ANXA13: variants seen among roughly 807,000 people sequenced by gnomAD.
ANXA13 encodes annexin XIII.
A neutral mutation model predicts 46.6 loss-of-function variants in ANXA13; 36 were observed. The ratio of observed to expected loss-of-function variants is 0.77; its 90% CI spans 0.59 to 1.02. The LOEUF (loss-of-function observed/expected upper bound fraction) is 1.02, where lower values mean the gene tolerates loss of function less well. ANXA13 is among the 50% of genes least tolerant of loss of function. The probability of loss-of-function intolerance (pLI) is 0.00; values close to 1 mark genes in which losing one functional copy is unlikely to be tolerated. For missense variants in ANXA13, 417 were observed against 396.5 expected, an observed-to-expected ratio of 1.05 and a Z score of -0.44; for synonymous variants, 163 against 152.9, an observed-to-expected ratio of 1.07 and a Z score of -0.49.
chr8:123,730,006 C>T (rs577436254), intron 1 of ANXA13, among the ~76,000 whole-genome samples: 9 of 152,256 alleles, frequency 5.9e-5, no homozygotes, highest in Admixed American at 2.0e-4. Flanking sequence ...GTCACTCTGT[C>T]GTCTTCCTTT....
chr8:123,698,652 A>C, intron 3 of ANXA13, 93 bp from the exon 4 acceptor site: 1 of 1,363,560 alleles, frequency 7.3e-7, no homozygotes, highest in Non-Finnish European at 1.0e-6. Context: ...ATAGTTGACA[A>C]GAAAGGTGCT....
At chr8:123,688,616 A>G (rs760641159) in intron 9 of ANXA13, among the ~76,000 whole-genome samples, 6 of 152,138 alleles carry the variant, frequency 3.9e-5, no homozygotes, top group Admixed American at 1.3e-4. Flanking sequence ...CCAGTGTTAC[A>G]TGACTGTTTG....
At position 123,737,321 on chromosome 8, in the gene ANXA13, T is replaced by C. The variant is rs2129966909; in HGVS notation, c.14A>G (p.His5Arg). 1 of 1,611,498 alleles carries C rather than the reference T, an allele frequency of 6.2e-7. No individual in the cohort carries two copies. The highest frequency in any genetic ancestry group is 1.3e-5 in the African/African-American group (1 of 74,804). Residue 5 changes from histidine (H) to arginine (R), a missense_variant and splice_region_variant, in exon 1 of 11, where the codon CAT (histidine) becomes CGT (arginine). Transcript: ENST00000419625. ...TTCCCAAAGGCAATGAGTACTTACATGACGATTGCCCATTTTCCTTTTTCT... is the reference window on the plus strand; with the variant it reads ...TTCCCAAAGGCAATGAGTACTTACACGACGATTGCCCATTTTCCTTTTTCT... MGNR[H>R]AKASSPQGFD... is the part of the protein sequence containing the mutation.
chr8:123,717,777 G>C (rs1168935982), intron 1 of ANXA13, among the ~76,000 whole-genome samples: 1 of 152,190 alleles, frequency 6.6e-6, no homozygotes, highest in Admixed American at 6.5e-5. Context: ...AGGCCGAGGC[G>C]ACTTTCTGAC....
intron 3 of ANXA13, among the ~76,000 whole-genome samples, chr8:123,701,690 A>T (rs1314121928): frequency 6.6e-6 from 1 of 152,184 alleles, no homozygotes; most frequent in African/African-American, 2.4e-5. Context: ...GTCCTCCAGG[A>T]ATGGATACTG....
intron 3 of ANXA13, among the ~76,000 whole-genome samples, chr8:123,699,880 T>G (rs929544717): frequency 6.6e-6 from 1 of 152,256 alleles, no homozygotes; most frequent in Non-Finnish European, 1.5e-5. Context: ...TAGACTGACC[T>G]CACAGGGTTT....
chr8:123,723,452 G>C (rs1813924659), intron 1 of ANXA13, among the ~76,000 whole-genome samples: 1 of 152,162 alleles, frequency 6.6e-6, no homozygotes, highest in African/African-American at 2.4e-5. Flanking sequence ...CTGGAATGTG[G>C]GTCTTTAAGT....
intron 1 of ANXA13, among the ~76,000 whole-genome samples, chr8:123,732,185 A>T (rs150965330): frequency 6.6e-6 from 1 of 152,332 alleles, no homozygotes; most frequent in East Asian, 1.9e-4. Context: ...TAGCTGTCCA[A>T]CTAGGAACAA....
chr8:123,733,547 G>C (rs1814167793), intron 1 of ANXA13, among the ~76,000 whole-genome samples: 1 of 152,142 alleles, frequency 6.6e-6, no homozygotes, highest in Admixed American at 6.5e-5. Flanking sequence ...TATTTATGTT[G>C]GCTAAATATT....
chr8:123,731,079 A>C (rs1280089210), intron 1 of ANXA13, among the ~76,000 whole-genome samples: 1 of 152,184 alleles, frequency 6.6e-6, no homozygotes, highest in Non-Finnish European at 1.5e-5. Context: ...ACTTGAGCAC[A>C]TATCAGTTTC....
chr8:123,726,124 A>G (rs1014838348), intron 1 of ANXA13, among the ~76,000 whole-genome samples: 1 of 152,234 alleles, frequency 6.6e-6, no homozygotes, highest in Non-Finnish European at 1.5e-5. Flanking sequence ...GCATATGTTG[A>G]CTGTATGTTC....
At chr8:123,731,926 G>C (rs569464731) in intron 1 of ANXA13, among the ~76,000 whole-genome samples, 2 of 152,162 alleles carry the variant, frequency 1.3e-5, no homozygotes, top group African/African-American at 2.4e-5. Flanking sequence ...CCACATGGGA[G>C]TGGAGTAATA....
intron 1 of ANXA13, among the ~76,000 whole-genome samples, chr8:123,736,066 A>C (rs1405729800): frequency 6.6e-6 from 1 of 152,224 alleles, no homozygotes; most frequent in East Asian, 1.9e-4. Flanking sequence ...TGAAAGATAC[A>C]CTGAACGGAT....
At chr8:123,724,496 T>G (rs1813944889) in intron 1 of ANXA13, among the ~76,000 whole-genome samples, 1 of 152,174 alleles carries the variant, frequency 6.6e-6, no homozygotes, top group South Asian at 2.1e-4. Context: ...TGAGAAAAAT[T>G]AGAAACTTCC....
chr8:123,683,800 C>T lies in ANXA13; in HGVS notation c.831+810G>A, dbSNP rs556223437. Among the ~76,000 whole-genome samples the T allele has an allele frequency of 1.8e-4, 28 of 151,910 alleles. No homozygotes were observed. The South Asian group carries it at 1.9e-3, about 10-fold the overall frequency. On this transcript the variant is annotated intron_variant, in intron 10 of 10. Coordinates refer to ENST00000419625, the MANE Select transcript of ANXA13 (RefSeq NM_004306.4). ...CGGGGTTTCACCATGTTGGCCAGGC[C>T]GGTCTCGAACTCCTGACCTCAGGCG... is the stretch of plus-strand genomic sequence containing the variant.
intron 1 of ANXA13, among the ~76,000 whole-genome samples, chr8:123,730,536 C>T (rs1475889217): frequency 6.6e-6 from 1 of 152,124 alleles, no homozygotes; most frequent in Non-Finnish European, 1.5e-5. Flanking sequence ...TCACCCCCAC[C>T]CCCTCACCCA....
chr8:123,723,504 C>T (rs1813925913), intron 1 of ANXA13, among the ~76,000 whole-genome samples: 1 of 152,120 alleles, frequency 6.6e-6, no homozygotes, highest in African/African-American at 2.4e-5. Context: ...GATGGTTGGC[C>T]CTGCTAGCTG....
rs939625211 is a variant in ANXA13, at chr8:123,735,795, C to T, written c.15+1525G>A. On this transcript the variant is annotated intron_variant, in intron 1 of 10. Transcript: ENST00000419625. ...TGGCTCTCCATTCCGTGATGGGTGG[C>T]TGAGAGGCTGCACGACTGTCGAGGG... The T allele has an allele frequency of 5.5e-5, 88 of 1,612,452 alleles. No homozygotes were observed. The highest frequency in any genetic ancestry group is 7.0e-5 in the Non-Finnish European group (83 of 1,179,246).
chr8:123,700,377 C>T (rs183655894), intron 3 of ANXA13, among the ~76,000 whole-genome samples: 1 of 152,316 alleles, frequency 6.6e-6, no homozygotes, highest in Non-Finnish European at 1.5e-5. Context: ...AGCTCTACTC[C>T]TGGTTTTCCT....
Sources: gnomAD v4.1 joint callset for allele counts (sites outside exome capture counted in the v4.1 genomes callset) on GRCh38, gnomAD v4.1.1 for gene constraint, MANE v1.5 for transcripts, NCBI Gene and HGNC (gene_info 2026-07-23, HGNC 2026-07-21) for gene names.